The following ING5 variants were observed in gnomAD, a reference collection of about 807,000 sequenced individuals.
ING5 encodes the protein inhibitor of growth family member 5.
ING5 carries 17 observed loss-of-function variants against 37.4 expected under a neutral mutation model. The ratio of observed to expected loss-of-function variants is 0.45; its 90% CI spans 0.31 to 0.68. The LOEUF (loss-of-function observed/expected upper bound fraction) is 0.68, where lower values mean the gene tolerates loss of function less well. Ranked by LOEUF, ING5 falls within the 30% of genes least tolerant of loss-of-function variation. ING5 has a pLI of 0.05. For synonymous variants in ING5, 123 were observed against 116.6 expected, an observed-to-expected ratio of 1.06 and a Z score of -0.36; for missense variants, 233 against 311.9, an observed-to-expected ratio of 0.75 and a Z score of 1.91.
chr2:241,708,497 A>G (rs1473019789), intron 2 of ING5, among the ~76,000 whole-genome samples: 2 of 152,134 alleles, frequency 1.3e-5, no homozygotes, highest in East Asian at 1.9e-4. Context: ...GTGAGCCACC[A>G]CGCCTGGCCT....
intron 5 of ING5, chr2:241,722,036 G>A (rs143350546): frequency 5.1e-6 from 5 of 985,444 alleles, no homozygotes; most frequent in East Asian, 2.3e-4. Context: ...GGTGGTGGGC[G>A]GTCCAGGGAG....
At chr2:241,694,063 T>A (rs1400592714) in intron 2 of ING5, 1 of 151,970 alleles carries the variant, frequency 6.6e-6, no homozygotes, top group Non-Finnish European at 1.5e-5. Flanking sequence ...ATATTTAATA[T>A]ATGATATGTG....
intron 5 of ING5, among the ~76,000 whole-genome samples, chr2:241,716,874 G>C (rs1386187877): frequency 6.6e-6 from 1 of 152,178 alleles, no homozygotes; most frequent in African/African-American, 2.4e-5. Context: ...ATGGTGGTCA[G>C]GCGCTGGGGT....
chr2:241,726,574 AG>A lies in ING5; in HGVS notation c.*1546del, dbSNP rs1691629121. 1.3e-5 allele frequency: 2 copies of A among 152,374 alleles called. No homozygotes were observed. Among genetic ancestry groups the A allele is most frequent in the Admixed American group, 6.5e-5 (1 of 15,290 alleles). 9.4% of individuals were successfully genotyped at this position (152,374 alleles called of 1,614,324 possible). On this transcript the variant is annotated 3_prime_UTR_variant, in exon 8 of 8. Transcript: ENST00000313552. ...CCTCTGGGCCACCTGTCCTTTTCCG[AG>A]GGTGTGGGTGGGAGTGGATCCTCCG... is the stretch of plus-strand genomic sequence containing the variant.
chr2:241,690,503 C>A (rs2069534127), exon 2 of ING5: 1 of 397,250 alleles, frequency 2.5e-6, no homozygotes, highest in South Asian at 1.3e-4. Context: ...CTGCTGACCT[C>A]AGCCCTGGCG....
rs757432301 is a variant in ING5, at chr2:241,710,395, C to T, written c.277-982C>T. Among the ~76,000 whole-genome samples, 37 of 151,858 alleles carry T rather than the reference C, an allele frequency of 2.4e-4. 1 individual carries two copies. The highest frequency in any genetic ancestry group is 8.5e-4 in the Admixed American group (13 of 15,272). On this transcript the variant is annotated intron_variant, in intron 3 of 7. Transcript: ENST00000313552. ...GCAGTTCAGTGCAACCTCCACTTCCCAGGCTCAAGCGATTCTCCTGCCTCA... is the reference window on the plus strand; with the variant it reads ...GCAGTTCAGTGCAACCTCCACTTCCTAGGCTCAAGCGATTCTCCTGCCTCA...
chr2:241,725,001 G>T lies in ING5; in HGVS notation c.693G>T (p.Arg231=), dbSNP rs200211163. Residue 231 remains arginine, a synonymous_variant, in exon 8 of 8, where the codon CGG becomes CGT. Coordinates refer to ENST00000313552, the MANE Select transcript of ING5 (RefSeq NM_032329.6). ...TTTCTTGTCACAGGTTCTGTCCACG[G>T]TGTGTCCAGGAAAAGAGGAAGAAGA... ...TKPKGKWFCP[R]CVQEKRKKK 6.2e-7 allele frequency: 1 copy of T among 1,614,130 alleles called. No homozygotes were observed. The highest frequency in any genetic ancestry group is 8.5e-7 in the Non-Finnish European group (1 of 1,179,980).
chr2:241,711,538 T>C, intron 4 of ING5, 50 bp downstream of exon 4: 1 of 1,236,608 alleles, frequency 8.1e-7, no homozygotes, highest in Non-Finnish European at 1.2e-6. Flanking sequence ...AACTATGGAG[T>C]TTTGAAGAGT....
At chr2:241,701,920 A>C, upstream of ING5, 1 of 353,218 alleles carries the variant, frequency 2.8e-6, no homozygotes. Context: ...GCCCGCCGGA[A>C]GCTGAAAGGC....
chr2:241,723,310 G>A lies in ING5; in HGVS notation c.680+39G>A, dbSNP rs1481570006. The A allele has an allele frequency of 9.4e-6, 15 of 1,591,918 alleles. 1 individual carries two copies. The highest frequency in any genetic ancestry group is 1.2e-5 in the Non-Finnish European group (14 of 1,159,816). ...CGCTCGCTCTGTTTTCTCCCAGTCT[G>A]CTGGGTGTTGCGCTGCTGGCCTCCC... is the stretch of plus-strand genomic sequence containing the variant. On this transcript the variant is annotated intron_variant, in intron 7 of 7. Transcript: ENST00000313552.
rs545606889 is a variant in ING5, at chr2:241,725,302, G to A, written c.*271G>A. 3.7e-5 allele frequency: 18 copies of A among 482,044 alleles called. No homozygotes were observed. Among genetic ancestry groups the A allele is most frequent in the Middle Eastern group, 5.8e-4 (1 of 1,738 alleles). 29.9% of individuals were successfully genotyped at this position (482,044 alleles called of 1,614,324 possible). The stretch of plus-strand genomic sequence containing the variant: ...GGGACCCCGGCGGACGTGGGCGGGC[G>A]CGCGTGAGCTCGGGCTGCCCGGCCG... On this transcript the variant is annotated 3_prime_UTR_variant, in exon 8 of 8. Coordinates refer to ENST00000313552, the MANE Select transcript of ING5 (RefSeq NM_032329.6).
upstream of ING5, among the ~76,000 whole-genome samples, chr2:241,699,038 T>TGG (rs570586792): frequency 0.017 from 2,367 of 138,914 alleles, 117 homozygotes; most frequent in African/African-American, 0.068. Flanking sequence ...AATTTTTTTT[T>TGG]GGGGGGGGAG....
intron 3 of ING5, among the ~76,000 whole-genome samples, chr2:241,709,701 G>A (rs1356176691): frequency 6.6e-6 from 1 of 151,830 alleles, no homozygotes; most frequent in Non-Finnish European, 1.5e-5. Flanking sequence ...CCGCCTCCTA[G>A]GCTCAAGTGA....
chr2:241,723,333 C>G, intron 7 of ING5, 62 bp downstream of exon 7: 4 of 1,551,064 alleles, frequency 2.6e-6, no homozygotes, highest in Non-Finnish European at 2.7e-6. Flanking sequence ...CTGCTGGCCT[C>G]CCCAGGAGAA....
At chr2:241,703,895 C>T (rs1338174290) in intron 1 of ING5, among the ~76,000 whole-genome samples, 1 of 152,126 alleles carries the variant, frequency 6.6e-6, no homozygotes, top group African/African-American at 2.4e-5. Context: ...TATGAGCCAC[C>T]ACGCCCATCC....
chr2:241,723,741 A>G, intron 7 of ING5: 1 of 1,597,158 alleles, frequency 6.3e-7, no homozygotes. Context: ...TCTCTACCTG[A>G]CCCTTGCATC....
At chr2:241,704,607 G>A in intron 1 of ING5, 46 bp from the exon 2 acceptor site, 1 of 1,487,886 alleles carries the variant, frequency 6.7e-7, no homozygotes, top group South Asian at 1.2e-5. Context: ...GTGAATTTTT[G>A]TCTTGCTGCT....
At chr2:241,706,347 T>G (rs2069909782) in intron 2 of ING5, among the ~76,000 whole-genome samples, 1 of 152,008 alleles carries the variant, frequency 6.6e-6, no homozygotes, top group Admixed American at 6.6e-5. Flanking sequence ...TAGATTTTCT[T>G]GGCCAGGCAC....
At chr2:241,692,466 CTTTTTT>C (rs577054689) in intron 2 of ING5, among the ~76,000 whole-genome samples, 1 of 143,598 alleles carries the variant, frequency 7.0e-6, no homozygotes, top group African/African-American at 2.6e-5. Flanking sequence ...ACACATCTGG[CTTTTTT>C]TTTTTTTTAA....
Sources: allele counts gnomAD v4.1 joint callset (sites outside exome capture counted in the v4.1 genomes callset), GRCh38; gene constraint gnomAD v4.1.1; transcripts MANE v1.5; gene names NCBI Gene and HGNC (gene_info 2026-07-23, HGNC 2026-07-21).